The following CARD19 variants were observed in gnomAD, a reference collection of about 807,000 sequenced individuals.
The protein encoded by CARD19 is caspase recruitment domain-containing protein 19.
In CARD19, 25 loss-of-function variants were observed where a neutral mutation model predicts 24.1. That is an observed-to-expected ratio of 1.04 (90% confidence interval 0.76 to 1.45). The LOEUF is 1.45. CARD19 is among the 40% of genes most tolerant of loss of function. CARD19 has a pLI of 0.00. For missense variants in CARD19, 241 were observed against 247.4 expected, an observed-to-expected ratio of 0.97 and a Z score of 0.17; for synonymous variants, 103 against 104.9, an observed-to-expected ratio of 0.98 and a Z score of 0.11.
At position 93,100,698 on chromosome 9, in the gene CARD19, A is replaced by C. The variant is rs181203229; in HGVS notation, c.7+4346A>C. Among the ~76,000 whole-genome samples the C allele has an allele frequency of 9.2e-5, 14 of 152,306 alleles. No homozygotes were observed. The East Asian group carries it at 2.7e-3, about 29-fold the overall frequency. On this transcript the variant is annotated intron_variant, in intron 1 of 5. Coordinates refer to ENST00000375464, the MANE Select transcript of CARD19 (RefSeq NM_032310.5). ...TTATCATCCCAAACAGAAATTTTGT[A>C]CCCGTTAAACAATAACTCCCCTTTC...
chr9:93,101,799 G>T (rs1827093747), intron 1 of CARD19, among the ~76,000 whole-genome samples: 1 of 151,928 alleles, frequency 6.6e-6, no homozygotes, highest in Non-Finnish European at 1.5e-5. Context: ...TTCCACAGTG[G>T]CTGCACTATT....
At position 93,113,118 on chromosome 9, in the gene CARD19, A is replaced by G; in HGVS notation, c.*11A>G. 6.5e-7 allele frequency: 1 copy of G among 1,527,462 alleles called. No individual in the cohort carries two copies. Among genetic ancestry groups the G allele is most frequent in the Non-Finnish European group, 8.8e-7 (1 of 1,130,372 alleles). 94.6% of individuals were successfully genotyped at this position (1,527,462 alleles called of 1,614,324 possible). On this transcript the variant is annotated 3_prime_UTR_variant, in exon 6 of 6. Coordinates refer to ENST00000375464, the MANE Select transcript of CARD19 (RefSeq NM_032310.5). ...CTAGGGGGGCTCTGACAGACCCTGG[A>G]CCCAGGGCCTCACCTGCCACTCAAC... is the stretch of plus-strand genomic sequence containing the variant.
At chr9:93,100,070 G>A (rs1019847134) in intron 1 of CARD19, among the ~76,000 whole-genome samples, 4 of 152,124 alleles carry the variant, frequency 2.6e-5, no homozygotes, top group Admixed American at 1.3e-4. Flanking sequence ...CGCACAGGGC[G>A]AGCGTACTGA....
Position 93,096,456 on chromosome 9 carries a change from G to A in CARD19, c.7+104G>A, listed in dbSNP as rs1308491895. 1 of 1,080,700 alleles carries A rather than the reference G, an allele frequency of 9.3e-7. No homozygotes were observed. The highest frequency in any genetic ancestry group is 3.3e-5 in the East Asian group (1 of 29,962). The allele number at this position is 1,080,700 out of a possible 1,614,324, so 66.9% of individuals were successfully genotyped here. ...CGAGTCGCCTGCAGGCCGCGCCTGG[G>A]CAGCGGGGGCCGAGTGACCTTGGCC... On this transcript the variant is annotated intron_variant, in intron 1 of 5. Coordinates refer to ENST00000375464, the MANE Select transcript of CARD19 (RefSeq NM_032310.5). This position sits in a 1 kb window ranked among gnomAD's most constrained non-coding sequence, Gnocchi z 5.4.
At chr9:93,103,927 A>G (rs941830994) in intron 1 of CARD19, among the ~76,000 whole-genome samples, 4 of 152,332 alleles carry the variant, frequency 2.6e-5, no homozygotes, top group East Asian at 1.9e-4. Context: ...ATCTCTCAGT[A>G]CTGTTACTTT....
At position 93,111,848 on chromosome 9, in the gene CARD19, G is replaced by A. The variant is rs200886847; in HGVS notation, c.305-31G>A. 227 of 1,606,096 alleles carry A rather than the reference G, an allele frequency of 1.4e-4. 1 individual carries two copies. In the East Asian group the frequency reaches 4.9e-3, roughly 35 times the overall value. ...ACCTTGCCCTCCGGCCCTGCCCGTT[G>A]ACTAACTATGCTCTGTGGTTTTGTT... On this transcript the variant is annotated intron_variant, in intron 3 of 5. Transcript: ENST00000375464.
At position 93,113,234 on chromosome 9, in the gene CARD19, C is replaced by T; in HGVS notation, c.*127C>T. On this transcript the variant is annotated 3_prime_UTR_variant, in exon 6 of 6. Transcript: ENST00000375464. ...TTATTTATAATTTGTGTAAAAAACA[C>T]ACCTTCACCTTACAAGGTGCTGACC... 4.9e-6 allele frequency: 3 copies of T among 613,272 alleles called. No individual in the cohort carries two copies. The highest frequency in any genetic ancestry group is 2.1e-5 in the South Asian group (1 of 46,750). The allele number at this position is 613,272 out of a possible 1,614,324, so 38.0% of individuals were successfully genotyped here.
chr9:93,112,283 C>G lies in CARD19; in HGVS notation c.430C>G (p.Pro144Ala), dbSNP rs1827526539. ...VGLALLLYCY[P>A]PDPKGLPGTR... ...ACTGGCCCTGCTCCTGTACTGCTAT[C>G]CGCCAGGTGGGTGCAAGCGGATCCT... Residue 144 changes from proline (P) to alanine (A), a missense_variant, in exon 5 of 6, where the codon CCG (proline) becomes GCG (alanine). By Grantham distance (27) the Pro-to-Ala change is conservative. Coordinates refer to ENST00000375464, the MANE Select transcript of CARD19 (RefSeq NM_032310.5). 1.3e-6 allele frequency: 2 copies of G among 1,543,724 alleles called. No individual in the cohort carries two copies. Among genetic ancestry groups the G allele is most frequent in the African/African-American group, 2.7e-5 (2 of 73,030 alleles).
At chr9:93,107,648 T>G in intron 1 of CARD19, 26 bp from the exon 2 acceptor site, 1 of 1,613,888 alleles carries the variant, frequency 6.2e-7, no homozygotes, top group Non-Finnish European at 8.5e-7. Flanking sequence ...CTGTGCTGGC[T>G]CATGACCCTG....
intron 1 of CARD19, among the ~76,000 whole-genome samples, chr9:93,100,919 CTGAG>C (rs1232202570): frequency 6.6e-6 from 1 of 152,190 alleles, no homozygotes; most frequent in Non-Finnish European, 1.5e-5. Flanking sequence ...CTTTTTAGGG[CTGAG>C]TAATATTCCA....
chr9:93,107,592 C>A, intron 1 of CARD19, 82 bp from the exon 2 acceptor site: 2 of 1,529,330 alleles, frequency 1.3e-6, no homozygotes, highest in Admixed American at 1.7e-5. Context: ...TGATGCCTTC[C>A]TGTGGTCAGT....
chr9:93,099,317 G>A (rs1826995711), intron 1 of CARD19, among the ~76,000 whole-genome samples: 1 of 152,234 alleles, frequency 6.6e-6, no homozygotes, highest in African/African-American at 2.4e-5. Context: ...CTGGCAGGGA[G>A]TAGACTGCTG....
chr9:93,105,013 C>T (rs1411986845), intron 1 of CARD19, among the ~76,000 whole-genome samples: 1 of 152,110 alleles, frequency 6.6e-6, no homozygotes. Context: ...TCTTCAAGCT[C>T]TCTGGTCTTT....
rs1394234548 is a variant in CARD19 at position 93,096,580 on chromosome 9, A to T, written c.7+228A>T. Among the ~76,000 whole-genome samples, 1 of 151,986 alleles carries T rather than the reference A, an allele frequency of 6.6e-6. No homozygotes were observed. ...CGTGCCAGCCGAGGCGGTGCCGGGC[A>T]TGATGGGTGGTGGCCAGGTGCGGGG... On this transcript the variant is annotated intron_variant, in intron 1 of 5. Transcript: ENST00000375464. The surrounding 1 kb of genome is among the most constrained non-coding windows in gnomAD (Gnocchi z 5.4).
At chr9:93,098,135 G>A (rs1474710510) in intron 1 of CARD19, among the ~76,000 whole-genome samples, 2 of 152,206 alleles carry the variant, frequency 1.3e-5, no homozygotes, top group Non-Finnish European at 2.9e-5. Flanking sequence ...GCTGTGCCGG[G>A]GAGTGAGCAG....
chr9:93,096,227 G>A lies in CARD19; in HGVS notation c.-119G>A. On this transcript the variant is annotated 5_prime_UTR_variant, in exon 1 of 6. Coordinates refer to ENST00000375464, the MANE Select transcript of CARD19 (RefSeq NM_032310.5). The surrounding 1 kb of genome is among the most constrained non-coding windows in gnomAD (Gnocchi z 5.4). The stretch of plus-strand genomic sequence containing the variant: ...GGGGGCTGGCCTAGCCAAAAGGGGC[G>A]GGCGAGCACGGCCCGCGGGCGGCGT... 9.2e-7 allele frequency: 1 copy of A among 1,088,164 alleles called. No homozygotes were observed. Among genetic ancestry groups the A allele is most frequent in the Non-Finnish European group, 1.2e-6 (1 of 861,036 alleles). The allele number at this position is 1,088,164 out of a possible 1,614,324, so 67.4% of individuals were successfully genotyped here. A position where few individuals can be genotyped will look rare whatever the true frequency, so the allele number is the denominator to read the frequency against.
In CARD19 at chr9:93,105,185, C is replaced by T. The variant is rs62573572; in HGVS notation, c.8-2489C>T. Among the ~76,000 whole-genome samples the T allele has an allele frequency of 9.7e-4, 80 of 82,308 alleles. 2 individuals are homozygous for T. In the South Asian group the frequency reaches 0.03, roughly 31 times the overall value. The allele number at this position is 82,308 out of a possible 152,430, so 54.0% of individuals were successfully genotyped here. On this transcript the variant is annotated intron_variant, in intron 1 of 5. Transcript: ENST00000375464. ...AGGTGTGTGTGTGTGTGTGCACGCG[C>T]GTGTGTGTGTGCGTGTGTGTGTGTG...
intron 3 of CARD19, 189 bp downstream of exon 3, chr9:93,110,910 C>T: frequency 1.3e-6 from 2 of 1,532,942 alleles, no homozygotes; most frequent in Non-Finnish European, 1.7e-6. Flanking sequence ...GTGGCAGGCA[C>T]AGGCAGTGCA....
chr9:93,100,455 G>A (rs913385500), intron 1 of CARD19, among the ~76,000 whole-genome samples: 7 of 152,226 alleles, frequency 4.6e-5, no homozygotes, highest in African/African-American at 1.7e-4. Flanking sequence ...GATGACAGGC[G>A]TGAGCCACCG....
Sources: gnomAD v4.1 joint callset for allele counts (sites outside exome capture counted in the v4.1 genomes callset) on GRCh38, gnomAD v4.1.1 for gene constraint, Gnocchi (gnomAD v3.1) non-coding constraint, MANE v1.5 for transcripts, NCBI Gene and HGNC (gene_info 2026-07-23, HGNC 2026-07-21) for gene names.